Variants in C17orf78 observed in about 807,000 individuals in gnomAD.
C17orf78 encodes the protein uncharacterized protein C17orf78.
Under a neutral mutation model 31.8 loss-of-function variants are expected in C17orf78, and 27 were observed. The ratio of observed to expected loss-of-function variants is 0.85; its 90% CI spans 0.63 to 1.17. C17orf78 has a LOEUF of 1.17. C17orf78 is among the 50% of genes most tolerant of loss of function. C17orf78 has a pLI of 0.00. For synonymous variants in C17orf78, 106 were observed against 115.1 expected (o/e 0.92, Z 0.51); for missense variants, 258 against 315.2 (o/e 0.82, Z 1.37).
At chr17:37,386,982 T>C (rs1227086881) in intron 4 of C17orf78, 1 of 152,214 alleles carries the variant, frequency 6.6e-6, no homozygotes, top group Non-Finnish European at 1.5e-5. Flanking sequence ...CATGTTCAGC[T>C]AATTTTTAAA....
intron 3 of C17orf78, among the ~76,000 whole-genome samples, chr17:37,380,229 A>G (rs1297786336): frequency 7.2e-6 from 1 of 138,716 alleles, no homozygotes; most frequent in East Asian, 2.1e-4. Flanking sequence ...GAACAATGAG[A>G]TCACATGGAC....
intron 6 of C17orf78, among the ~76,000 whole-genome samples, chr17:37,390,306 A>T (rs867452888): frequency 0.011 from 312 of 28,888 alleles, 3 homozygotes; most frequent in Middle Eastern, 0.031. Context: ...ATACATAATT[A>T]TATATATATA....
chr17:37,380,888 G>GCA (rs1478516386), intron 3 of C17orf78, among the ~76,000 whole-genome samples: 300 of 148,862 alleles, frequency 2.0e-3, no homozygotes, highest in Middle Eastern at 6.9e-3. Context: ...GAGCCACCGT[G>GCA]CCTGGCCAGG....
In C17orf78 at chr17:37,388,234, T is replaced by C. The variant is rs145415079; in HGVS notation, c.509-436T>C. Among the ~76,000 whole-genome samples the C allele has an allele frequency of 9.3e-4, 141 of 152,232 alleles. 1 individual carries two copies. The highest frequency in any genetic ancestry group is 3.2e-3 in the African/African-American group (132 of 41,560). The stretch of plus-strand genomic sequence containing the variant: ...CAGTGCTAATTTTTACATTTCTTCC[T>C]CTTATATTCTATGAAAGCCAGGAGA... On this transcript the variant is annotated intron_variant, in intron 4 of 6. Transcript: ENST00000615133.
chr17:37,382,439 T>C lies in C17orf78; in HGVS notation c.391+3057T>C, dbSNP rs117106491. On this transcript the variant is annotated intron_variant, in intron 3 of 6. Transcript: ENST00000615133. ...TGCTATTGCTACATTACTGGAAAAATAAAATAAAACTTGACATTTTTAGAG... is the reference window on the plus strand; with the variant it reads ...TGCTATTGCTACATTACTGGAAAAACAAAATAAAACTTGACATTTTTAGAG... Among the ~76,000 whole-genome samples, 811 of 151,030 alleles carry C rather than the reference T, an allele frequency of 5.4e-3. 8 individuals carry two copies. Among genetic ancestry groups the C allele is most frequent in the Non-Finnish European group, 7.4e-3 (504 of 67,844 alleles).
At chr17:37,378,574 G>A (rs1348154517) in intron 2 of C17orf78, among the ~76,000 whole-genome samples, 5 of 152,300 alleles carry the variant, frequency 3.3e-5, no homozygotes, top group African/African-American at 1.2e-4. Context: ...TCAGCTGGAT[G>A]TGGTGGTGCA....
chr17:37,391,889 C>A lies in C17orf78; in HGVS notation c.*165C>A. 1.5e-6 allele frequency: 1 copy of A among 649,940 alleles called. No homozygotes were observed. The highest frequency in any genetic ancestry group is 2.7e-6 in the Non-Finnish European group (1 of 372,224). 40.3% of individuals were successfully genotyped at this position (649,940 alleles called of 1,614,324 possible). A position where few individuals can be genotyped will look rare whatever the true frequency, so the allele number is the denominator to read the frequency against. On this transcript the variant is annotated 3_prime_UTR_variant, in exon 7 of 7. Coordinates refer to ENST00000615133, the MANE Select transcript of C17orf78 (RefSeq NM_173625.5). ...AGAGTGTGGGCTTAGCAGAGTTACCCTCATGCCCCTATCTGAGCCACAACC... is the reference window on the plus strand; with the variant it reads ...AGAGTGTGGGCTTAGCAGAGTTACCATCATGCCCCTATCTGAGCCACAACC...
At chr17:37,390,294 T>TA (rs1364369098) in intron 6 of C17orf78, among the ~76,000 whole-genome samples, 12 of 29,386 alleles carry the variant, frequency 4.1e-4, no homozygotes, top group East Asian at 3.1e-3. Context: ...TAATTATATA[T>TA]TATACATAAT....
At chr17:37,381,434 C>A (rs1172659765) in intron 3 of C17orf78, among the ~76,000 whole-genome samples, 1 of 151,920 alleles carries the variant, frequency 6.6e-6, no homozygotes, top group African/African-American at 2.4e-5. Context: ...GTTTCACCCA[C>A]CTCAGCCTCC....
rs2050853165 is a variant in C17orf78, at chr17:37,390,884, T to A, written c.751-763T>A. Among the ~76,000 whole-genome samples, 4 of 151,872 alleles carry A rather than the reference T, an allele frequency of 2.6e-5. No individual in the cohort carries two copies. In the South Asian group the frequency reaches 8.3e-4, roughly 31 times the overall value. Reference sequence around the variant, plus strand: ...GTCTAGTCCAGAATAGAATTAGAGATAACCAGGTAGCTGCAACTGTGATTG... The same window carrying A: ...GTCTAGTCCAGAATAGAATTAGAGAAAACCAGGTAGCTGCAACTGTGATTG... On this transcript the variant is annotated intron_variant, in intron 6 of 6. Coordinates refer to ENST00000615133, the MANE Select transcript of C17orf78 (RefSeq NM_173625.5).
Position 37,377,804 on chromosome 17 carries a change from A to T in C17orf78, c.59-75A>T, listed in dbSNP as rs1199415567. ...TCTTCTCCATTGCCCAGAATTCTAA[A>T]AAGTAAGTACCAGTAAATTCTGATT... On this transcript the variant is annotated intron_variant, in intron 1 of 6. Coordinates refer to ENST00000615133, the MANE Select transcript of C17orf78 (RefSeq NM_173625.5). The T allele has an allele frequency of 2.4e-6, 3 of 1,231,778 alleles. No homozygotes were observed. The African/African-American group carries it at 4.5e-5, about 18-fold the overall frequency. 76.3% of individuals were successfully genotyped at this position (1,231,778 alleles called of 1,614,324 possible).
chr17:37,378,735 C>T (rs955858827), intron 2 of C17orf78, among the ~76,000 whole-genome samples: 6 of 151,688 alleles, frequency 4.0e-5, no homozygotes, highest in African/African-American at 9.7e-5. Context: ...ACTCAGAGAT[C>T]GTGCCATTGC....
chr17:37,378,381 A>T (rs1180838339), intron 2 of C17orf78, among the ~76,000 whole-genome samples: 2 of 152,222 alleles, frequency 1.3e-5, no homozygotes, highest in African/African-American at 4.8e-5. Context: ...AGCAGGGGTC[A>T]TGAATGGAAA....
At chr17:37,383,757 T>C (rs1307912097) in intron 3 of C17orf78, among the ~76,000 whole-genome samples, 1 of 152,110 alleles carries the variant, frequency 6.6e-6, no homozygotes, top group Non-Finnish European at 1.5e-5. Flanking sequence ...TTGGCCAGGC[T>C]GGTCTCAAGC....
At chr17:37,390,245 TA>T (rs2050763009) in intron 6 of C17orf78, among the ~76,000 whole-genome samples, 1 of 45,030 alleles carries the variant, frequency 2.2e-5, no homozygotes, top group African/African-American at 1.6e-4. Context: ...TAATATATTA[TA>T]TATATATTAT....
At position 37,391,224 on chromosome 17, in the gene C17orf78, C is replaced by A. The variant is rs550444117; in HGVS notation, c.751-423C>A. 5.9e-5 allele frequency among the ~76,000 whole-genome samples: 9 copies of A among 152,032 alleles called. No homozygotes were observed. The South Asian group carries it at 1.2e-3, about 21-fold the overall frequency. On this transcript the variant is annotated intron_variant, in intron 6 of 6. Coordinates refer to ENST00000615133, the MANE Select transcript of C17orf78 (RefSeq NM_173625.5). Reference sequence around the variant, plus strand: ...CTGCACTGCAGCCTCGGTGACAGAGCGAGACTCTGTCTCAAAAAAAAATAG... The same window carrying A: ...CTGCACTGCAGCCTCGGTGACAGAGAGAGACTCTGTCTCAAAAAAAAATAG...
rs2050885179 is a variant in C17orf78 at position 37,391,521 on chromosome 17, A to G, written c.751-126A>G. Reference sequence around the variant, plus strand: ...TTCTCAGTGTAATTATCGATTAACAAAGAGGCAAAATGAAGTGCACTTGGA... The same window carrying G: ...TTCTCAGTGTAATTATCGATTAACAGAGAGGCAAAATGAAGTGCACTTGGA... On this transcript the variant is annotated intron_variant, in intron 6 of 6. Coordinates refer to ENST00000615133, the MANE Select transcript of C17orf78 (RefSeq NM_173625.5). 8 of 804,538 alleles carry G rather than the reference A, an allele frequency of 9.9e-6. No homozygotes were observed. The Admixed American group carries it at 1.6e-4, about 16-fold the overall frequency. The allele number at this position is 804,538 out of a possible 1,614,324, so 49.8% of individuals were successfully genotyped here. A position where few individuals can be genotyped will look rare whatever the true frequency, so the allele number is the denominator to read the frequency against.
At chr17:37,381,626 C>CTTTT (rs550853752) in intron 3 of C17orf78, among the ~76,000 whole-genome samples, 5 of 125,882 alleles carry the variant, frequency 4.0e-5, no homozygotes, top group Non-Finnish European at 6.7e-5. Flanking sequence ...CTTCCATAGT[C>CTTTT]TTTTTTTTTT....
intron 3 of C17orf78, among the ~76,000 whole-genome samples, chr17:37,383,530 A>T (rs929138556): frequency 3.3e-5 from 5 of 152,188 alleles, no homozygotes; most frequent in Non-Finnish European, 7.4e-5. Context: ...TTATGAAACC[A>T]TAATGATGAA....
Sources: gnomAD v4.1 joint callset for allele counts (sites outside exome capture counted in the v4.1 genomes callset) on GRCh38, gnomAD v4.1.1 for gene constraint, MANE v1.5 for transcripts, NCBI Gene and HGNC (gene_info 2026-07-23, HGNC 2026-07-21) for gene names.